Variants in ENOPH1 observed in about 807,000 individuals in gnomAD.
The protein encoded by ENOPH1 is enolase-phosphatase E1.
Under a neutral mutation model 31.1 loss-of-function variants are expected in ENOPH1, and 14 were observed. That is an observed-to-expected ratio of 0.45 (90% confidence interval 0.30 to 0.70). The LOEUF (loss-of-function observed/expected upper bound fraction) is 0.70. Among genes scored for constraint, ENOPH1 ranks in the 30% least tolerant of loss-of-function variants. ENOPH1 has a pLI of 0.09. For synonymous variants in ENOPH1, 127 were observed against 123.2 expected (o/e 1.03, Z -0.21); for missense variants, 243 against 321.5 (o/e 0.76, Z 1.87).
chr4:82,432,373 C>G (rs1039752819), intron 1 of ENOPH1, among the ~76,000 whole-genome samples: 10 of 152,000 alleles, frequency 6.6e-5, no homozygotes, highest in Non-Finnish European at 1.5e-4. Flanking sequence ...GAGGCGGAGT[C>G]TCGCTCTGTT....
In ENOPH1 at chr4:82,430,788, C is replaced by T. The variant is rs760242178; in HGVS notation, c.-42C>T. ...GCCGCAGCCGGCGCCGCCCTCCGCC[C>T]TCCCCAACAGCAGGCCGAGTCCCGT... On this transcript the variant is annotated 5_prime_UTR_variant, in exon 1 of 6. Transcript: ENST00000273920. 31 of 1,595,668 alleles carry T rather than the reference C, an allele frequency of 1.9e-5. No individual in the cohort carries two copies. In the Admixed American group the frequency reaches 2.2e-4, roughly 11 times the overall value.
chr4:82,436,744 G>A (rs1721915327), intron 1 of ENOPH1, among the ~76,000 whole-genome samples: 1 of 150,210 alleles, frequency 6.7e-6, no homozygotes, highest in Admixed American at 6.6e-5. Flanking sequence ...GGAGGAAGCT[G>A]TCCCACCTAG....
At position 82,460,091 on chromosome 4, in the gene ENOPH1, A is replaced by C. The variant is rs1722606896; in HGVS notation, c.757A>C (p.Ser253Arg). ...KTYYSLITSF[S>R]ELYLPSST Reference sequence around the variant, plus strand: ...TTACTACAGCCTCATCACATCCTTCAGTGAACTATACCTGCCTTCCTCAAC... The same window carrying C: ...TTACTACAGCCTCATCACATCCTTCCGTGAACTATACCTGCCTTCCTCAAC... The change falls in exon 6 of 6, where the codon AGT becomes CGT. Residue 253 changes from serine to arginine, a missense_variant. Ser to Arg is a moderately radical substitution (Grantham distance 110). Transcript: ENST00000273920. The C allele has an allele frequency of 1.2e-6, 2 of 1,614,242 alleles. No individual in the cohort carries two copies. The highest frequency in any genetic ancestry group is 1.7e-6 in the Non-Finnish European group (2 of 1,180,040).
At chr4:82,445,383 A>G (rs1286809832) in intron 1 of ENOPH1, among the ~76,000 whole-genome samples, 1 of 152,248 alleles carries the variant, frequency 6.6e-6, no homozygotes, top group Non-Finnish European at 1.5e-5. Flanking sequence ...TATTTCATGT[A>G]CATACTTTTA....
chr4:82,450,458 A>C (rs1180911365), intron 2 of ENOPH1, among the ~76,000 whole-genome samples: 2 of 152,200 alleles, frequency 1.3e-5, no homozygotes, highest in African/African-American at 4.8e-5. Context: ...CCTTGTTGAA[A>C]CATACATACA....
chr4:82,438,880 T>C (rs2203711), intron 1 of ENOPH1, among the ~76,000 whole-genome samples: 9,399 of 152,284 alleles, frequency 0.062, 321 homozygotes, highest in Admixed American at 0.088. Context: ...GAAAACAAAG[T>C]ATTCTTTTTT....
At chr4:82,448,131 G>A in intron 2 of ENOPH1, 110 bp downstream of exon 2, 2 of 667,538 alleles carry the variant, frequency 3.0e-6, no homozygotes, top group Non-Finnish European at 5.1e-6. Context: ...TTTGATAGGG[G>A]ATAGAAGTTG....
intron 1 of ENOPH1, among the ~76,000 whole-genome samples, chr4:82,443,738 G>A (rs1041555981): frequency 1.2e-4 from 18 of 151,642 alleles, no homozygotes; most frequent in African/African-American, 4.4e-4. Flanking sequence ...AAAAAAAAAG[G>A]GAAATAATAG....
intron 1 of ENOPH1, 81 bp downstream of exon 1, chr4:82,430,994 T>C: frequency 3.1e-6 from 4 of 1,301,368 alleles, no homozygotes; most frequent in Non-Finnish European, 3.3e-6. Context: ...GGCCTTGCAT[T>C]GGAGACGAGG....
chr4:82,437,414 A>T (rs933511000), intron 1 of ENOPH1, among the ~76,000 whole-genome samples: 7 of 152,176 alleles, frequency 4.6e-5, no homozygotes, highest in African/African-American at 1.7e-4. Flanking sequence ...CCAACTTTCT[A>T]TCCCTCTCTT....
intron 1 of ENOPH1, among the ~76,000 whole-genome samples, chr4:82,439,711 A>G (rs535082899): frequency 6.6e-6 from 1 of 152,358 alleles, no homozygotes; most frequent in African/African-American, 2.4e-5. Context: ...TTAAAATGAC[A>G]TTATCAGTAA....
At chr4:82,448,055 C>G (rs1417153905) in intron 2 of ENOPH1, 34 bp downstream of exon 2, 1 of 1,452,670 alleles carries the variant, frequency 6.9e-7, no homozygotes, top group Non-Finnish European at 9.6e-7. Flanking sequence ...TCCCAAGTGT[C>G]TTAGAAATGA....
intron 4 of ENOPH1, among the ~76,000 whole-genome samples, chr4:82,455,805 T>C (rs1011935381): frequency 3.9e-5 from 6 of 152,050 alleles, no homozygotes; most frequent in Admixed American, 2.0e-4. Context: ...AAAATTTACT[T>C]ATTTTAACTT....
At chr4:82,458,297 A>G (rs995910242) in intron 5 of ENOPH1, among the ~76,000 whole-genome samples, 3 of 152,220 alleles carry the variant, frequency 2.0e-5, no homozygotes, top group African/African-American at 7.2e-5. Flanking sequence ...ATTTGAGGTC[A>G]GGAATTCAAG....
chr4:82,431,247 C>A (rs554919068), intron 1 of ENOPH1, among the ~76,000 whole-genome samples: 2 of 152,356 alleles, frequency 1.3e-5, no homozygotes, highest in South Asian at 4.1e-4. Context: ...TGCACCCGGT[C>A]GCTTCCGCAG....
intron 1 of ENOPH1, among the ~76,000 whole-genome samples, chr4:82,432,644 C>CGTTTT (rs57944208): frequency 0.013 from 1,989 of 151,336 alleles, 32 homozygotes; most frequent in African/African-American, 0.042. Flanking sequence ...CTCTTCCCCA[C>CGTTTT]GTTTTGTTTT....
chr4:82,433,079 G>A (rs1380028156), intron 1 of ENOPH1, among the ~76,000 whole-genome samples: 1 of 152,144 alleles, frequency 6.6e-6, no homozygotes, highest in Non-Finnish European at 1.5e-5. Flanking sequence ...CAGCTCACTC[G>A]TTCCACTCTG....
chr4:82,435,491 T>C (rs868099119), intron 1 of ENOPH1, among the ~76,000 whole-genome samples: 4 of 152,346 alleles, frequency 2.6e-5, no homozygotes, highest in Middle Eastern at 6.8e-3. Context: ...TCATTCTTGA[T>C]TATTTAACAG....
chr4:82,453,307 GTTTC>G lies in ENOPH1; in HGVS notation c.390-1411_390-1408del, dbSNP rs1328270973. Among the ~76,000 whole-genome samples, 60 of 152,268 alleles carry G rather than the reference GTTTC, an allele frequency of 3.9e-4. 1 individual carries two copies. The highest frequency in any genetic ancestry group is 1.3e-3 in the African/African-American group (56 of 41,560). On this transcript the variant is annotated intron_variant, in intron 3 of 5. Transcript: ENST00000273920. ...TTGTGTTTCTGTCAAATGAGATGTT[GTTTC>G]TTTATTTATGTACTTTACGAGGAGC...
Sources: gnomAD v4.1 joint callset for allele counts (sites outside exome capture counted in the v4.1 genomes callset) on GRCh38, gnomAD v4.1.1 for gene constraint, MANE v1.5 for transcripts, NCBI Gene and HGNC (gene_info 2026-07-23, HGNC 2026-07-21) for gene names.